Variants in PTPRN2 observed in about 807,000 individuals in gnomAD.
PTPRN2 encodes receptor-type tyrosine-protein phosphatase N2.
In PTPRN2, 74 loss-of-function variants were observed where a neutral mutation model predicts 118.8. The ratio of observed to expected loss-of-function variants is 0.62; its 90% CI spans 0.52 to 0.76. The LOEUF (loss-of-function observed/expected upper bound fraction) is 0.76. Ranked by LOEUF, PTPRN2 falls within the 30% of genes least tolerant of loss-of-function variation. The pLI is 0.00. For missense variants in PTPRN2, 1,481 were observed against 1,394.4 expected, an observed-to-expected ratio of 1.06 and a Z score of -0.99; for synonymous variants, 641 against 608.0, an observed-to-expected ratio of 1.05 and a Z score of -0.80.
intron 2 of PTPRN2, among the ~76,000 whole-genome samples, chr7:158,331,617 AG>A (rs1245629211): frequency 2.8e-5 from 4 of 144,920 alleles, no homozygotes; most frequent in African/African-American, 5.5e-5. Flanking sequence ...GGTCACTTAC[AG>A]CCATACTCTC....
At chr7:158,291,740 G>A (rs1446591985) in intron 3 of PTPRN2, among the ~76,000 whole-genome samples, 4 of 152,204 alleles carry the variant, frequency 2.6e-5, no homozygotes, top group African/African-American at 7.2e-5. Flanking sequence ...TTTGTAACTC[G>A]ATTCTTGACT....
chr7:157,938,951 G>A (rs1376301818), intron 11 of PTPRN2, among the ~76,000 whole-genome samples: 2 of 152,182 alleles, frequency 1.3e-5, no homozygotes, highest in African/African-American at 4.8e-5. Context: ...CAAACTTCTT[G>A]TCCATGATCC....
intron 11 of PTPRN2, among the ~76,000 whole-genome samples, chr7:157,938,147 C>T (rs1303925051): frequency 6.6e-6 from 1 of 152,222 alleles, no homozygotes; most frequent in Non-Finnish European, 1.5e-5. Context: ...GAAGTGGGCC[C>T]CCCGCATGGT....
At chr7:157,966,762 C>CCAT (rs1314162545) in intron 11 of PTPRN2, among the ~76,000 whole-genome samples, 2 of 151,730 alleles carry the variant, frequency 1.3e-5, no homozygotes, top group African/African-American at 4.8e-5. Flanking sequence ...ACCATTATCA[C>CCAT]CATCACAATG....
rs1800572256 is a variant in PTPRN2, at chr7:158,297,310, C to G, written c.277+19509G>C. ...GTCCTGGTGTTAACAATCTGGGAAC[C>G]TATTCTGAAATGTACCAGAGAAACT... On this transcript the variant is annotated intron_variant, in intron 3 of 22. Coordinates refer to ENST00000389418, the MANE Select transcript of PTPRN2 (RefSeq NM_002847.5). 5.9e-5 allele frequency among the ~76,000 whole-genome samples: 9 copies of G among 152,344 alleles called. 1 individual carries two copies. The South Asian group carries it at 1.7e-3, about 28-fold the overall frequency.
intron 11 of PTPRN2, among the ~76,000 whole-genome samples, chr7:157,984,603 G>C (rs973137653): frequency 6.6e-6 from 1 of 152,034 alleles, no homozygotes; most frequent in African/African-American, 2.4e-5. Flanking sequence ...GGGGGCTGGC[G>C]CTGTTCCCGC....
At chr7:158,441,960 T>C (rs1205656886) in intron 2 of PTPRN2, among the ~76,000 whole-genome samples, 3 of 128,386 alleles carry the variant, frequency 2.3e-5, no homozygotes, top group Middle Eastern at 4.0e-3. Flanking sequence ...ATAGTGATAG[T>C]GATGGTCATG....
chr7:158,358,140 C>T (rs1808539212), intron 2 of PTPRN2, among the ~76,000 whole-genome samples: 1 of 152,246 alleles, frequency 6.6e-6, no homozygotes, highest in Non-Finnish European at 1.5e-5. Flanking sequence ...CTCACCCCTG[C>T]AGGCGGGGAC....
At chr7:158,084,990 G>C (rs1813181397) in intron 10 of PTPRN2, among the ~76,000 whole-genome samples, 1 of 93,028 alleles carries the variant, frequency 1.1e-5, no homozygotes, top group African/African-American at 4.5e-5. Flanking sequence ...CATCCACACG[G>C]ATGCCCATAC....
At chr7:158,321,185 C>A (rs1802985908) in intron 2 of PTPRN2, among the ~76,000 whole-genome samples, 1 of 152,122 alleles carries the variant, frequency 6.6e-6, no homozygotes, top group African/African-American at 2.4e-5. Context: ...GGCTGAGCTC[C>A]ACCGTCTCAG....
intron 1 of PTPRN2, among the ~76,000 whole-genome samples, chr7:158,556,314 G>A (rs1410136437): frequency 6.6e-6 from 1 of 152,190 alleles, no homozygotes; most frequent in Non-Finnish European, 1.5e-5. Context: ...AGCATTTTGG[G>A]AGGCCGAGGC....
chr7:158,457,970 G>T (rs1197881913), intron 2 of PTPRN2, among the ~76,000 whole-genome samples: 1 of 152,164 alleles, frequency 6.6e-6, no homozygotes, highest in African/African-American at 2.4e-5. Context: ...AAGGGTTCCG[G>T]GTCTCCTGGG....
chr7:158,489,442 G>A (rs1379430993), intron 2 of PTPRN2, among the ~76,000 whole-genome samples: 1 of 152,182 alleles, frequency 6.6e-6, no homozygotes, highest in African/African-American at 2.4e-5. Context: ...GCGAGACTCT[G>A]TCTCAAAAAA....
intron 2 of PTPRN2, among the ~76,000 whole-genome samples, chr7:158,433,005 T>A (rs1816332493): frequency 6.6e-6 from 1 of 152,188 alleles, no homozygotes; most frequent in Admixed American, 6.5e-5. Context: ...AGGCTGAACG[T>A]CAGCTTTGCC....
chr7:158,252,828 T>C (rs188878375), intron 3 of PTPRN2, among the ~76,000 whole-genome samples: 190 of 152,144 alleles, frequency 1.2e-3, no homozygotes, highest in African/African-American at 4.3e-3. Flanking sequence ...CTCCCCAACA[T>C]GAGCCACCCC....
At chr7:158,386,462 C>G (rs1256423022) in intron 2 of PTPRN2, among the ~76,000 whole-genome samples, 2 of 152,156 alleles carry the variant, frequency 1.3e-5, no homozygotes, top group Non-Finnish European at 2.9e-5. Context: ...GGAGCTGCCT[C>G]CGTTCATCCA....
chr7:158,198,307 C>T (rs984763992), intron 4 of PTPRN2, among the ~76,000 whole-genome samples: 4 of 152,220 alleles, frequency 2.6e-5, no homozygotes, highest in Non-Finnish European at 5.9e-5. Flanking sequence ...TGCACATTGA[C>T]TTTTGCTCTG....
At chr7:158,159,460 C>T (rs1329149959) in intron 6 of PTPRN2, among the ~76,000 whole-genome samples, 1 of 152,172 alleles carries the variant, frequency 6.6e-6, no homozygotes, top group African/African-American at 2.4e-5. Context: ...GATGAGGTTG[C>T]AATGTGAAAT....
chr7:157,663,966 A>G (rs762032432), intron 13 of PTPRN2, among the ~76,000 whole-genome samples: 11 of 152,222 alleles, frequency 7.2e-5, no homozygotes, highest in Non-Finnish European at 8.8e-5. Flanking sequence ...ACCTCACAGC[A>G]TTTGAAATCG....
Sources: allele counts gnomAD v4.1 joint callset (sites outside exome capture counted in the v4.1 genomes callset), GRCh38; gene constraint gnomAD v4.1.1; transcripts MANE v1.5; gene names NCBI Gene and HGNC (gene_info 2026-07-23, HGNC 2026-07-21).